The following NOTCH1 variants were observed in gnomAD, a reference collection of about 807,000 sequenced individuals.
NOTCH1 encodes the protein neurogenic locus notch homolog protein 1.
NOTCH1 carries 37 observed loss-of-function variants against 254.8 expected under a neutral mutation model. The ratio of observed to expected loss-of-function variants is 0.15; its 90% confidence interval spans 0.11 to 0.19. NOTCH1 has a LOEUF of 0.19. Ranked by LOEUF, NOTCH1 falls within the 10% of genes least tolerant of loss-of-function variation. The pLI, the probability that NOTCH1 is intolerant of heterozygous loss-of-function variation, is 1.00. For missense variants in NOTCH1, 2,972 were observed against 3,708.6 expected (o/e 0.80, Z 5.16); for synonymous variants, 1,731 against 1,618.1 (o/e 1.07, Z -1.68).
In NOTCH1 at chr9:136,510,809, C is replaced by T. The variant is rs3125001; in HGVS notation, c.2588-4G>A. On this transcript the variant is annotated splice_region_variant and splice_polypyrimidine_tract_variant and intron_variant, in intron 16 of 33. Transcript: ENST00000651671. ...ATGTCGACCTCACAGGTCTGCCCTG[C>T]GGGGCAGGAGGAGGCCGGTTGGTCA... The T allele has an allele frequency of 0.41, 662,183 of 1,607,682 alleles. 145,459 individuals are homozygous for T. Among genetic ancestry groups the T allele is most frequent in the East Asian group, 0.83 (37,084 of 44,822 alleles).
At chr9:136,509,211 T>C in intron 18 of NOTCH1, 140 bp from the exon 19 acceptor site, 5 of 826,310 alleles carry the variant, frequency 6.1e-6, no homozygotes, top group Non-Finnish European at 9.5e-6. Context: ...GCAGCCTGGC[T>C]GACCCAGGGA....
At chr9:136,539,200 T>C (rs1040759322) in intron 2 of NOTCH1, among the ~76,000 whole-genome samples, 6 of 152,202 alleles carry the variant, frequency 3.9e-5, no homozygotes, top group African/African-American at 1.4e-4. Flanking sequence ...TCTCTTTTTC[T>C]ATTATTATTC....
At position 136,505,427 on chromosome 9, in the gene NOTCH1, C is replaced by T. The variant is rs2133339017; in HGVS notation, c.4469G>A (p.Cys1490Tyr). ...CTTCCAGCACTGCAGAGACTGCGTGCAGTTCTTCCAGGGGTCATTGAAGTT... is the reference window on the plus strand; with the variant it reads ...CTTCCAGCACTGCAGAGACTGCGTGTAGTTCTTCCAGGGGTCATTGAAGTT... ...SLNFNDPWKN[C>Y]TQSLQCWKYF... is the part of the protein sequence containing the mutation. The change falls in exon 25 of 34, where the codon TGC becomes TAC. Residue 1490 changes from cysteine to tyrosine, a missense_variant. By Grantham distance (194) the Cys-to-Tyr change is radical (BLOSUM62 -2). Around this residue, in one of 8 missense-constraint regions of NOTCH1, gnomAD observed 1,343 missense variants for 1,557.0 expected, o/e 0.86. Coordinates refer to ENST00000651671, the MANE Select transcript of NOTCH1 (RefSeq NM_017617.5). 6.2e-7 allele frequency: 1 copy of T among 1,612,918 alleles called. No homozygotes were observed. The highest frequency in any genetic ancestry group is 1.3e-5 in the African/African-American group (1 of 75,060).
rs886246732 is a variant in NOTCH1, at chr9:136,495,556, A to G, written c.*515T>C. Reference sequence around the variant, plus strand: ...TTTGCCTCTGGATGCAGCTTCTCCTAACAGGCAGGTGATGCTGGTGGAGCG... The same window carrying G: ...TTTGCCTCTGGATGCAGCTTCTCCTGACAGGCAGGTGATGCTGGTGGAGCG... On this transcript the variant is annotated 3_prime_UTR_variant, in exon 34 of 34. Coordinates refer to ENST00000651671, the MANE Select transcript of NOTCH1 (RefSeq NM_017617.5). The G allele has an allele frequency of 7.5e-6, 3 of 399,926 alleles. No individual in the cohort carries two copies. The highest frequency in any genetic ancestry group is 4.1e-5 in the African/African-American group (2 of 48,632). 24.8% of individuals were successfully genotyped at this position (399,926 alleles called of 1,614,324 possible). A position where few individuals can be genotyped will look rare whatever the true frequency, so the allele number is the denominator to read the frequency against.
chr9:136,512,522 G>A (rs1843197321), intron 15 of NOTCH1, among the ~76,000 whole-genome samples: 1 of 152,196 alleles, frequency 6.6e-6, no homozygotes, highest in African/African-American at 2.4e-5. Context: ...CCCAAACAGA[G>A]GGCTCCTTGT....
rs587778567 is a variant in NOTCH1, at chr9:136,505,830, G to A, written c.4066C>T (p.Arg1356Cys). 33 of 1,592,534 alleles carry A rather than the reference G, an allele frequency of 2.1e-5. No homozygotes were observed. The highest frequency in any genetic ancestry group is 2.5e-5 in the Non-Finnish European group (29 of 1,175,884). Residue 1356 changes from arginine to cysteine, a missense_variant, in exon 25 of 34, where the codon CGC becomes TGC. By Grantham distance (180) the Arg-to-Cys change is radical (BLOSUM62 -3). Coordinates refer to ENST00000651671, the MANE Select transcript of NOTCH1 (RefSeq NM_017617.5). ...ATGCATGTGCCGCCGTTGAGGCAGC[G>A]CAGGCTGCCGCAGGTACGAGCGTCA... ...ENDARTCGSL[R>C]CLNGGTCISG...
intron 30 of NOTCH1, among the ~76,000 whole-genome samples, chr9:136,501,276 A>G (rs1410679729): frequency 6.6e-6 from 1 of 152,090 alleles, no homozygotes; most frequent in African/African-American, 2.4e-5. Context: ...GCTGCTAAAA[A>G]TACAAAAATT....
intron 26 of NOTCH1, among the ~76,000 whole-genome samples, chr9:136,504,246 A>C (rs1203045724): frequency 1.3e-5 from 2 of 152,228 alleles, no homozygotes; most frequent in Non-Finnish European, 2.9e-5. Flanking sequence ...TATGTTGCCC[A>C]GACTGGTCTC....
At chr9:136,499,425 G>A (rs934718941) in intron 31 of NOTCH1, among the ~76,000 whole-genome samples, 166 bp from the exon 32 acceptor site, 3 of 152,246 alleles carry the variant, frequency 2.0e-5, no homozygotes, top group African/African-American at 4.8e-5. Context: ...GGCTGCCCCT[G>A]AGGAGGGGCC....
At chr9:136,517,978 T>G (rs1346121170) in intron 7 of NOTCH1, 41 bp from the exon 8 acceptor site, 4 of 1,600,618 alleles carry the variant, frequency 2.5e-6, no homozygotes, top group Non-Finnish European at 2.5e-6. Context: ...CCAGGCACCC[T>G]GGCCCCTGCA....
intron 2 of NOTCH1, among the ~76,000 whole-genome samples, chr9:136,538,905 T>G (rs886791718): frequency 6.6e-6 from 1 of 152,180 alleles, no homozygotes; most frequent in African/African-American, 2.4e-5. Flanking sequence ...TTTCACTATT[T>G]ATAGACGAGA....
At chr9:136,537,367 C>G (rs1339644127) in intron 2 of NOTCH1, among the ~76,000 whole-genome samples, 1 of 152,202 alleles carries the variant, frequency 6.6e-6, no homozygotes, top group East Asian at 1.9e-4. Flanking sequence ...GGGCAAAAGA[C>G]CACCTATGGC....
In NOTCH1 at chr9:136,523,968, G is replaced by C; in HGVS notation, c.152C>G (p.Ala51Gly). 6.4e-7 allele frequency: 1 copy of C among 1,553,766 alleles called. No homozygotes were observed. Residue 51 changes from alanine (A) to glycine (G), a missense_variant, in exon 3 of 34, where the codon GCC (alanine) becomes GGC (glycine). Physicochemically the swap from Ala to Gly is moderately conservative, Grantham distance 60 (BLOSUM62 0). Coordinates refer to ENST00000651671, the MANE Select transcript of NOTCH1 (RefSeq NM_017617.5). ...NGTEACVCGG[A>G]FVGPRCQDPN... ...GTCCTGGCATCGCGGGCCCACGAAG[G>C]CCCCGCCACAGCTGTTGGCAGATGT... is the stretch of plus-strand genomic sequence containing the variant.
intron 13 of NOTCH1, among the ~76,000 whole-genome samples, chr9:136,514,063 C>CAGT (rs921757145): frequency 1.3e-5 from 2 of 152,212 alleles, no homozygotes; most frequent in Non-Finnish European, 2.9e-5. Context: ...AAGTGCAGGG[C>CAGT]AGTAGGGTGC....
At chr9:136,498,317 CAGCTGCAGGGCCAGG>C (rs1006404370) in intron 33 of NOTCH1, among the ~76,000 whole-genome samples, 6 of 151,780 alleles carry the variant, frequency 4.0e-5, no homozygotes, top group Admixed American at 6.6e-5. Context: ...AAACCAACAG[CAGCTGCAGGGCCAGG>C]AGCTGCAGGG....
intron 17 of NOTCH1, 86 bp from the exon 18 acceptor site, chr9:136,510,047 A>T: frequency 1.5e-6 from 2 of 1,307,754 alleles, no homozygotes; most frequent in Non-Finnish European, 2.2e-6. Context: ...ATGGCTGGGG[A>T]CAGCCCAGCC....
At chr9:136,499,316 T>C (rs950479968) in intron 31 of NOTCH1, 57 bp from the exon 32 acceptor site, 40 of 1,596,358 alleles carry the variant, frequency 2.5e-5, no homozygotes, top group Admixed American at 8.4e-5. Flanking sequence ...CGATGCCTCC[T>C]GCCCAGAACG....
At chr9:136,528,586 C>A (rs893619102) in intron 2 of NOTCH1, among the ~76,000 whole-genome samples, 10 of 149,804 alleles carry the variant, frequency 6.7e-5, no homozygotes, top group Admixed American at 4.0e-4. Context: ...GGGGCCTCTC[C>A]GGTGCACAGG....
chr9:136,535,461 A>AGGT (rs1843631684), intron 2 of NOTCH1, among the ~76,000 whole-genome samples: 1 of 103,604 alleles, frequency 9.7e-6, no homozygotes, highest in South Asian at 3.3e-4. Flanking sequence ...GGTGCAGGGT[A>AGGT]GGCGGGGAGC....
Sources: gnomAD v4.1 joint callset for allele counts (sites outside exome capture counted in the v4.1 genomes callset) on GRCh38, gnomAD v4.1.1 for gene constraint, gnomAD v4.1.1 regional missense constraint, MANE v1.5 for transcripts, NCBI Gene and HGNC (gene_info 2026-07-23, HGNC 2026-07-21) for gene names.